Variants in TUT4 observed in about 807,000 individuals in gnomAD.
TUT4 encodes the protein terminal uridylyltransferase 4.
In TUT4, 36 loss-of-function variants were observed where a neutral mutation model predicts 192.2. The ratio of observed to expected loss-of-function variants is 0.19; its 90% CI spans 0.14 to 0.25. TUT4 has a LOEUF of 0.25. Among genes scored for constraint, TUT4 ranks in the 10% least tolerant of loss-of-function variants. The pLI is 1.00. For missense variants in TUT4, 1,493 were observed against 1,957.2 expected, an observed-to-expected ratio of 0.76 and a Z score of 4.47; for synonymous variants, 618 against 666.0, an observed-to-expected ratio of 0.93 and a Z score of 1.11.
chr1:52,498,951 T>G (rs1673329854), intron 4 of TUT4, among the ~76,000 whole-genome samples: 1 of 67,238 alleles, frequency 1.5e-5, no homozygotes, highest in Non-Finnish European at 3.0e-5. Context: ...TATATATATA[T>G]ATATATATGA....
intron 9 of TUT4, among the ~76,000 whole-genome samples, chr1:52,483,291 AATT>A (rs781645231): frequency 1.3e-5 from 2 of 152,150 alleles, no homozygotes; most frequent in Non-Finnish European, 2.9e-5. Context: ...CCAATACATC[AATT>A]TATAAGAGTT....
At chr1:52,532,398 GCTCACTGCAGC>G (rs1683721427) in intron 1 of TUT4, among the ~76,000 whole-genome samples, 1 of 151,538 alleles carries the variant, frequency 6.6e-6, no homozygotes, top group Admixed American at 6.6e-5. Context: ...TGCAGTCATG[GCTCACTGCAGC>G]CTTGACCCCT....
In TUT4 at chr1:52,475,427, T is replaced by C. The variant is rs768839411; in HGVS notation, c.2132A>G (p.Gln711Arg). The C allele has an allele frequency of 3.4e-5, 55 of 1,614,142 alleles. No homozygotes were observed. Among genetic ancestry groups the C allele is most frequent in the Non-Finnish European group, 4.6e-5 (54 of 1,180,040 alleles). Residue 711 changes from glutamine to arginine, a missense_variant, in exon 13 of 30, where the codon CAG (glutamine) becomes CGG (arginine). By Grantham distance (43) the Gln-to-Arg change is conservative. This residue lies in a region of TUT4 where 245 missense variants were observed against 218.4 expected (regional missense o/e 1.12). Coordinates refer to ENST00000257177, the MANE Select transcript of TUT4 (RefSeq NM_001009881.3). Reference protein sequence around the residue: ...RAAYRYFACPQTKGGNKSTVD... With the variant: ...RAAYRYFACPRTKGGNKSTVD... ...TGTAGACTTATTTCCACCCTTCGTCTGAGGACAGGCAAAATACCGATAAGC... is the reference window on the plus strand; with the variant it reads ...TGTAGACTTATTTCCACCCTTCGTCCGAGGACAGGCAAAATACCGATAAGC...
At position 52,464,401 on chromosome 1, in the gene TUT4, C is replaced by T. The variant is rs369091092; in HGVS notation, c.3069+669G>A. Among the ~76,000 whole-genome samples, 7 of 151,994 alleles carry T rather than the reference C, an allele frequency of 4.6e-5. No individual in the cohort carries two copies. The East Asian group carries it at 5.8e-4, about 13-fold the overall frequency. On this transcript the variant is annotated intron_variant, in intron 16 of 29. Coordinates refer to ENST00000257177, the MANE Select transcript of TUT4 (RefSeq NM_001009881.3). ...TCCTGAGTAGCTGGGACTACAGGCGCGTGCCACCATGCCCAGCTAATTTTT... is the reference window on the plus strand; with the variant it reads ...TCCTGAGTAGCTGGGACTACAGGCGTGTGCCACCATGCCCAGCTAATTTTT...
intron 3 of TUT4, among the ~76,000 whole-genome samples, chr1:52,512,646 T>G (rs1055994867): frequency 6.6e-6 from 1 of 152,244 alleles, no homozygotes. Flanking sequence ...AGTTAAACAC[T>G]GTTTATTATA....
intron 28 of TUT4, among the ~76,000 whole-genome samples, chr1:52,429,287 G>T (rs1051808396): frequency 6.6e-6 from 1 of 151,364 alleles, no homozygotes; most frequent in South Asian, 2.1e-4. Flanking sequence ...GGGTTTCACC[G>T]TGTTAGCCAG....
intron 20 of TUT4, among the ~76,000 whole-genome samples, chr1:52,453,148 G>A (rs1659930250): frequency 6.6e-6 from 1 of 152,186 alleles, no homozygotes; most frequent in South Asian, 2.1e-4. Context: ...ACTTTGGGAG[G>A]CTGAGGCAGG....
intron 1 of TUT4, among the ~76,000 whole-genome samples, chr1:52,544,287 CAAA>C (rs34094471): frequency 1.9e-5 from 2 of 102,982 alleles, no homozygotes. Flanking sequence ...GACTCCATTT[CAAA>C]AAAAAAAAAA....
chr1:52,510,317 CAAA>C (rs200690805), intron 3 of TUT4, among the ~76,000 whole-genome samples: 2 of 78,608 alleles, frequency 2.5e-5, no homozygotes, highest in South Asian at 8.9e-4. Flanking sequence ...TTCGTATTAA[CAAA>C]AAAAAAAAAA....
At position 52,552,237 on chromosome 1, in the gene TUT4, C is replaced by G. The variant is rs534661740; in HGVS notation, c.-94+694G>C. On this transcript the variant is annotated intron_variant, in intron 1 of 29. Transcript: ENST00000257177. ...TCTAAACATCTCATTCTTTCGCAAT[C>G]CAGATACCAACAGGAGTCTGAAACC... 2.6e-5 allele frequency among the ~76,000 whole-genome samples: 4 copies of G among 152,332 alleles called. No homozygotes were observed. In the South Asian group the frequency reaches 8.3e-4, roughly 32 times the overall value.
chr1:52,491,077 CAAGT>C (rs1451716837), intron 7 of TUT4, among the ~76,000 whole-genome samples: 2 of 152,038 alleles, frequency 1.3e-5, no homozygotes, highest in East Asian at 3.9e-4. Context: ...TTAATATTTC[CAAGT>C]AAGTAGATAA....
At chr1:52,461,263 G>C in intron 18 of TUT4, 40 bp from the exon 19 acceptor site, 2 of 1,542,046 alleles carry the variant, frequency 1.3e-6, no homozygotes, top group Non-Finnish European at 1.8e-6. Context: ...TTCAAATTTC[G>C]TAAAATTAAA....
chr1:52,437,082 T>C, intron 25 of TUT4, 104 bp from the exon 26 acceptor site: 7 of 1,450,268 alleles, frequency 4.8e-6, no homozygotes, highest in Non-Finnish European at 6.4e-6. Context: ...GCCCATCATT[T>C]CATGCGTCTT....
At chr1:52,495,910 C>A (rs867610612) in intron 5 of TUT4, among the ~76,000 whole-genome samples, 3 of 152,056 alleles carry the variant, frequency 2.0e-5, no homozygotes, top group African/African-American at 7.2e-5. Flanking sequence ...GGGAAAGGAT[C>A]ATAAACATTC....
intron 1 of TUT4, among the ~76,000 whole-genome samples, chr1:52,552,673 A>G (rs1241528000): frequency 1.3e-5 from 2 of 152,010 alleles, no homozygotes; most frequent in African/African-American, 2.4e-5. Context: ...TTCGTCCCCA[A>G]AGCGCCCCAA....
At chr1:52,537,533 AG>A (rs1393849920) in intron 1 of TUT4, among the ~76,000 whole-genome samples, 4 of 152,256 alleles carry the variant, frequency 2.6e-5, no homozygotes, top group African/African-American at 9.6e-5. Flanking sequence ...AATCATACTT[AG>A]GAGACTTCAA....
rs148633554 is a variant in TUT4 at position 52,468,097 on chromosome 1, T to G, written c.2965+84A>C. ...CTAGAACAGTACTTAACACATAGCA[T>G]TCAATAAATATTTTTAAATAAATGA... is the stretch of plus-strand genomic sequence containing the variant. On this transcript the variant is annotated intron_variant, in intron 15 of 29. Coordinates refer to ENST00000257177, the MANE Select transcript of TUT4 (RefSeq NM_001009881.3). The G allele has an allele frequency of 1.3e-3, 1,316 of 1,006,092 alleles. 16 individuals are homozygous for G. In the African/African-American group the frequency reaches 0.018, roughly 14 times the overall value. 62.3% of individuals were successfully genotyped at this position (1,006,092 alleles called of 1,614,324 possible). A position where few individuals can be genotyped will look rare whatever the true frequency, so the allele number is the denominator to read the frequency against.
intron 8 of TUT4, among the ~76,000 whole-genome samples, chr1:52,490,505 AT>A (rs1280453107): frequency 9.1e-4 from 139 of 152,170 alleles, no homozygotes; most frequent in African/African-American, 3.2e-3. Flanking sequence ...AAAAAAAAAA[AT>A]TGAAGTTTTG....
chr1:52,491,474 G>C (rs1355982506), intron 7 of TUT4, among the ~76,000 whole-genome samples: 2 of 152,024 alleles, frequency 1.3e-5, no homozygotes, highest in Non-Finnish European at 2.9e-5. Context: ...TGGATCACGA[G>C]GTCAGGAGTT....
Sources: allele counts gnomAD v4.1 joint callset (sites outside exome capture counted in the v4.1 genomes callset), GRCh38; gene constraint gnomAD v4.1.1; regional missense constraint gnomAD v4.1.1; transcripts MANE v1.5; gene names NCBI Gene and HGNC (gene_info 2026-07-23, HGNC 2026-07-21).